UGGT1: variants seen among roughly 807,000 people sequenced by gnomAD.
The protein encoded by UGGT1 is UDP-glucose glycoprotein glucosyltransferase 1.
A neutral mutation model predicts 203.9 loss-of-function variants in UGGT1; 107 were observed. That is an observed-to-expected ratio of 0.52 (90% CI 0.45 to 0.62). The LOEUF (loss-of-function observed/expected upper bound fraction) is 0.62. Ranked by LOEUF, UGGT1 falls within the 20% of genes least tolerant of loss-of-function variation. The probability of loss-of-function intolerance (pLI) is 0.00; values close to 1 mark genes in which losing one functional copy is unlikely to be tolerated. For synonymous variants in UGGT1, 628 were observed against 653.5 expected (o/e 0.96, Z 0.59); for missense variants, 1,673 against 1,867.2 (o/e 0.90, Z 1.92).
At chr2:128,143,269 C>A in intron 17 of UGGT1, 44 bp downstream of exon 17, 1 of 1,582,490 alleles carries the variant, frequency 6.3e-7, no homozygotes. Flanking sequence ...CAACATTGTA[C>A]TGTCCTTAAC....
At chr2:128,139,780 C>T in intron 16 of UGGT1, 1 of 153,362 alleles carries the variant, frequency 6.5e-6, no homozygotes, top group Non-Finnish European at 1.5e-5. Context: ...CAGCACTGTA[C>T]ACATCTGAGC....
At chr2:128,134,257 A>G (rs1573548860) in intron 14 of UGGT1, among the ~76,000 whole-genome samples, 1 of 152,232 alleles carries the variant, frequency 6.6e-6, no homozygotes, top group Non-Finnish European at 1.5e-5. Flanking sequence ...GCTGGTTTCA[A>G]ACTCCTGAAC....
intron 17 of UGGT1, among the ~76,000 whole-genome samples, chr2:128,144,064 T>C (rs975125923): frequency 1.2e-4 from 18 of 152,152 alleles, no homozygotes; most frequent in Non-Finnish European, 1.5e-4. Flanking sequence ...TGAGAATATA[T>C]AGTCTGATAG....
At position 128,129,257 on chromosome 2, in the gene UGGT1, G is replaced by A. The variant is rs575006384; in HGVS notation, c.1377+78G>A. ...ATGGTTTCTGATTTGTCTCTTATGA[G>A]GGTGAAGTTACTCCCACCATCTCTT... On this transcript the variant is annotated intron_variant, in intron 13 of 40. Transcript: ENST00000259253. 12 of 1,477,998 alleles carry A rather than the reference G, an allele frequency of 8.1e-6. No homozygotes were observed. In the South Asian group the frequency reaches 1.5e-4, roughly 19 times the overall value. The allele number at this position is 1,477,998 out of a possible 1,614,324, so 91.6% of individuals were successfully genotyped here. A position where few individuals can be genotyped will look rare whatever the true frequency, so the allele number is the denominator to read the frequency against.
chr2:128,144,207 A>C (rs1177236790), intron 17 of UGGT1, among the ~76,000 whole-genome samples: 1 of 152,240 alleles, frequency 6.6e-6, no homozygotes, highest in Non-Finnish European at 1.5e-5. Context: ...TGAGTGGCTC[A>C]GTATAAAACT....
intron 11 of UGGT1, among the ~76,000 whole-genome samples, chr2:128,125,087 G>A (rs373248587): frequency 1.3e-5 from 2 of 152,250 alleles, no homozygotes; most frequent in East Asian, 1.9e-4. Context: ...AAAAGGATCC[G>A]TCAGTCTTCT....
intron 2 of UGGT1, among the ~76,000 whole-genome samples, chr2:128,100,272 C>G (rs1687315222): frequency 1.3e-5 from 2 of 152,196 alleles, no homozygotes; most frequent in South Asian, 4.1e-4. Flanking sequence ...CTCCTGACCT[C>G]AGGTGATCTG....
At chr2:128,135,349 A>T (rs925115147) in intron 15 of UGGT1, among the ~76,000 whole-genome samples, 3 of 152,254 alleles carry the variant, frequency 2.0e-5, no homozygotes, top group Admixed American at 2.0e-4. Context: ...CCTTTTGTAG[A>T]TGCAAACAGT....
intron 11 of UGGT1, 129 bp downstream of exon 11, chr2:128,123,375 G>T (rs965026076): frequency 2.6e-4 from 208 of 811,936 alleles, no homozygotes; most frequent in Admixed American, 2.5e-4. Flanking sequence ...TTTCATTTCT[G>T]TGATCTTTGC....
Position 128,171,293 on chromosome 2 carries a change from T to TAA in UGGT1, c.3104+9_3104+10insAA. 1 of 1,609,398 alleles carries TAA rather than the reference T, an allele frequency of 6.2e-7. No individual in the cohort carries two copies. The highest frequency in any genetic ancestry group is 8.5e-7 in the Non-Finnish European group (1 of 1,177,678). On this transcript the variant is annotated intron_variant, in intron 28 of 40. Transcript: ENST00000259253. ...GACATGCCTTTAAAAAGGTAAAACA[T>TAA]GCTATGTAAGAAAACAGTTGAAGAA...
intron 11 of UGGT1, among the ~76,000 whole-genome samples, chr2:128,124,162 A>G (rs1459119088): frequency 2.0e-5 from 3 of 151,960 alleles, no homozygotes; most frequent in Non-Finnish European, 4.4e-5. Context: ...TAGCCAGGAT[A>G]GTCTCGATCT....
At chr2:128,095,867 A>G (rs1017294174) in intron 1 of UGGT1, among the ~76,000 whole-genome samples, 1 of 152,178 alleles carries the variant, frequency 6.6e-6, no homozygotes, top group Non-Finnish European at 1.5e-5. Context: ...AGCCTCCCTC[A>G]GTGATAGATT....
At chr2:128,153,964 A>G (rs1480734157) in intron 19 of UGGT1, among the ~76,000 whole-genome samples, 1 of 152,222 alleles carries the variant, frequency 6.6e-6, no homozygotes, top group African/African-American at 2.4e-5. Context: ...TATAATGAAC[A>G]TATCAATCTA....
chr2:128,160,728 G>A, intron 24 of UGGT1, 137 bp downstream of exon 24: 2 of 1,264,472 alleles, frequency 1.6e-6, no homozygotes, highest in South Asian at 1.5e-5. Flanking sequence ...TGCCATTGAT[G>A]TTTCTGCCTC....
At chr2:128,182,070 G>A in intron 36 of UGGT1, 60 bp from the exon 37 acceptor site, 1 of 1,558,730 alleles carries the variant, frequency 6.4e-7, no homozygotes, top group Admixed American at 1.8e-5. Flanking sequence ...TGTATCTGAA[G>A]GAAACCGCAT....
Position 128,113,263 on chromosome 2 carries a change from G to T in UGGT1, c.696+5G>T. 6.3e-7 allele frequency: 1 copy of T among 1,580,618 alleles called. No individual in the cohort carries two copies. The highest frequency in any genetic ancestry group is 8.6e-7 in the Non-Finnish European group (1 of 1,159,706). Reference sequence around the variant, plus strand: ...GTATTCAGACATTATATATTTGTAAGTATTGACTTATTTTACACCTGTTTT... The same window carrying T: ...GTATTCAGACATTATATATTTGTAATTATTGACTTATTTTACACCTGTTTT... On this transcript the variant is annotated splice_donor_5th_base_variant and intron_variant, in intron 6 of 40. Transcript: ENST00000259253.
chr2:128,144,529 A>G (rs1302620329), intron 17 of UGGT1, among the ~76,000 whole-genome samples: 2 of 152,236 alleles, frequency 1.3e-5, no homozygotes, highest in Non-Finnish European at 2.9e-5. Context: ...ATGATTTTCA[A>G]AACTAAAGTT....
chr2:128,112,346 A>T (rs1687894782), intron 5 of UGGT1, among the ~76,000 whole-genome samples: 1 of 146,910 alleles, frequency 6.8e-6, no homozygotes, highest in South Asian at 2.2e-4. Flanking sequence ...ACTTGAACCC[A>T]GGAGGGAGAG....
rs544381740 is a variant in UGGT1 at position 128,169,048 on chromosome 2, T to TAAA, written c.2922-1199_2922-1197dup. Among the ~76,000 whole-genome samples the TAAA allele has an allele frequency of 1.5e-3, 78 of 52,532 alleles. 7 individuals carry two copies. The highest frequency in any genetic ancestry group is 2.1e-3 in the South Asian group (4 of 1,944). 34.5% of individuals were successfully genotyped at this position (52,532 alleles called of 152,430 possible). A position where few individuals can be genotyped will look rare whatever the true frequency, so the allele number is the denominator to read the frequency against. ...GGGTGAATGAGCGAGACTCTGTCTT[T>TAAA]AAAAAAAAAAAAAAAAAAAAAAAAA... is the stretch of plus-strand genomic sequence containing the variant. On this transcript the variant is annotated intron_variant, in intron 26 of 40. Transcript: ENST00000259253.
Sources: allele counts gnomAD v4.1 joint callset (sites outside exome capture counted in the v4.1 genomes callset), GRCh38; gene constraint gnomAD v4.1.1; transcripts MANE v1.5; gene names NCBI Gene and HGNC (gene_info 2026-07-23, HGNC 2026-07-21).